The following MYO6 variants were observed in gnomAD, a reference collection of about 807,000 sequenced individuals.
The protein encoded by MYO6 is unconventional myosin-VI.
MYO6 carries 74 observed loss-of-function variants against 178.7 expected under a neutral mutation model. That is an observed-to-expected ratio of 0.41 (90% CI 0.34 to 0.50). MYO6 has a LOEUF of 0.50. MYO6 is among the 20% of genes least tolerant of loss of function. MYO6 has a pLI of 0.09. For missense variants in MYO6, 1,330 were observed against 1,547.4 expected (o/e 0.86, Z 2.36); for synonymous variants, 477 against 504.6 (o/e 0.95, Z 0.73).
intron 20 of MYO6, among the ~76,000 whole-genome samples, chr6:75,873,705 T>C (rs975480355): frequency 5.3e-5 from 8 of 152,338 alleles, no homozygotes; most frequent in African/African-American, 1.9e-4. Flanking sequence ...CTTCCTTAAG[T>C]GGGCAGCTTT....
chr6:75,787,765 T>TATGTA (rs1562158930), intron 1 of MYO6, among the ~76,000 whole-genome samples: 14 of 105,590 alleles, frequency 1.3e-4, no homozygotes, highest in African/African-American at 3.5e-4. Flanking sequence ...TATATATGTA[T>TATGTA]TTTTTTTTTT....
intron 7 of MYO6, among the ~76,000 whole-genome samples, chr6:75,840,110 C>T (rs1402745864): frequency 6.6e-6 from 1 of 150,824 alleles, no homozygotes; most frequent in African/African-American, 2.4e-5. Flanking sequence ...AGTGGGTAAT[C>T]AATAAATATT....
At chr6:75,865,067 C>T (rs1776533303) in intron 16 of MYO6, among the ~76,000 whole-genome samples, 1 of 152,062 alleles carries the variant, frequency 6.6e-6, no homozygotes, top group Admixed American at 6.5e-5. Context: ...TAACCTTGAG[C>T]AAGCCTCTAA....
chr6:75,782,191 G>C (rs1350162495), intron 1 of MYO6, among the ~76,000 whole-genome samples: 1 of 152,038 alleles, frequency 6.6e-6, no homozygotes, highest in Admixed American at 6.6e-5. Flanking sequence ...TTGTGCTGGG[G>C]ATTTTGTTTG....
chr6:75,753,441 A>G (rs183978894), intron 1 of MYO6, among the ~76,000 whole-genome samples: 2,361 of 140,286 alleles, frequency 0.017, 70 homozygotes, highest in African/African-American at 0.059. Context: ...TGATCTATAT[A>G]TGTGTGTGTG....
At chr6:75,895,139 G>T in intron 28 of MYO6, 92 bp from the exon 29 acceptor site, 1 of 933,708 alleles carries the variant, frequency 1.1e-6, no homozygotes, top group African/African-American at 1.7e-5. Context: ...TAAAATCAAT[G>T]AGTAAAGTAA....
At chr6:75,904,690 G>A (rs368829076) in intron 30 of MYO6, among the ~76,000 whole-genome samples, 7 of 152,216 alleles carry the variant, frequency 4.6e-5, no homozygotes, top group East Asian at 1.9e-4. Flanking sequence ...CCCGTAGCTC[G>A]GAGTAATTTG....
chr6:75,749,668 C>T (rs577271547), intron 1 of MYO6, among the ~76,000 whole-genome samples: 2 of 152,342 alleles, frequency 1.3e-5, no homozygotes, highest in South Asian at 4.1e-4. Flanking sequence ...ACCAAGGTCC[C>T]TTTGTGTTTC....
intron 29 of MYO6, among the ~76,000 whole-genome samples, chr6:75,895,845 T>C (rs962225892): frequency 7.9e-5 from 12 of 152,126 alleles, no homozygotes; most frequent in Non-Finnish European, 1.5e-4. Flanking sequence ...AAACTGCCCC[T>C]TACCTTACTT....
chr6:75,876,478 T>G (rs1024417896), intron 20 of MYO6, among the ~76,000 whole-genome samples: 1 of 152,174 alleles, frequency 6.6e-6, no homozygotes, highest in Non-Finnish European at 1.5e-5. Context: ...GTCTGTTGTA[T>G]TCTTCCATAA....
intron 1 of MYO6, among the ~76,000 whole-genome samples, chr6:75,794,335 A>G (rs1353157616): frequency 6.6e-6 from 1 of 152,214 alleles, no homozygotes; most frequent in Non-Finnish European, 1.5e-5. Flanking sequence ...ATGTAGCACA[A>G]TGAATTCAAG....
chr6:75,755,945 G>C (rs1317665437), intron 1 of MYO6, among the ~76,000 whole-genome samples: 1 of 152,192 alleles, frequency 6.6e-6, no homozygotes, highest in Non-Finnish European at 1.5e-5. Context: ...CAATTTAAAG[G>C]CTACTGCATG....
intron 20 of MYO6, among the ~76,000 whole-genome samples, chr6:75,877,726 G>A (rs1777676808): frequency 6.6e-6 from 1 of 151,848 alleles, no homozygotes; most frequent in African/African-American, 2.4e-5. Flanking sequence ...AACTCCAAGA[G>A]TAAAAGCCAG....
chr6:75,803,216 A>G (rs150779875), intron 1 of MYO6, among the ~76,000 whole-genome samples: 1 of 152,310 alleles, frequency 6.6e-6, no homozygotes, highest in East Asian at 1.9e-4. Context: ...TCCTGGTATC[A>G]GTTCCAAATC....
intron 1 of MYO6, among the ~76,000 whole-genome samples, chr6:75,811,943 G>C (rs1423539009): frequency 1.3e-5 from 2 of 152,304 alleles, no homozygotes; most frequent in African/African-American, 2.4e-5. Flanking sequence ...AAATCGAAGA[G>C]GTTAAATAAC....
intron 7 of MYO6, among the ~76,000 whole-genome samples, chr6:75,836,193 G>A (rs1414866632): frequency 6.6e-6 from 1 of 152,200 alleles, no homozygotes; most frequent in Non-Finnish European, 1.5e-5. Flanking sequence ...CCTTAGAATG[G>A]TAACTGATAC....
intron 1 of MYO6, among the ~76,000 whole-genome samples, chr6:75,790,383 T>C (rs1768099663): frequency 6.6e-6 from 1 of 152,020 alleles, no homozygotes; most frequent in East Asian, 1.9e-4. Flanking sequence ...CCTTTTTTTT[T>C]TTTTTTCTTT....
chr6:75,857,021 T>C, intron 12 of MYO6, 76 bp from the exon 13 acceptor site: 1 of 1,382,712 alleles, frequency 7.2e-7, no homozygotes, highest in East Asian at 2.3e-5. Context: ...TCTGTGTGTA[T>C]GTTTAGGTGC....
chr6:75,814,659 C>T (rs552260826), intron 1 of MYO6, among the ~76,000 whole-genome samples: 10 of 151,996 alleles, frequency 6.6e-5, no homozygotes, highest in East Asian at 1.9e-4. Context: ...CCCAGGAGTT[C>T]GAGACCTGCC....
Sources: allele counts gnomAD v4.1 joint callset (sites outside exome capture counted in the v4.1 genomes callset), GRCh38; gene constraint gnomAD v4.1.1; transcripts MANE v1.5; gene names NCBI Gene and HGNC (gene_info 2026-07-23, HGNC 2026-07-21).